LVRN: variants seen among roughly 807,000 people sequenced by gnomAD.
LVRN encodes aminopeptidase Q.
LVRN carries 99 observed loss-of-function variants against 111.4 expected under a neutral mutation model. The ratio of observed to expected loss-of-function variants is 0.89; its 90% CI spans 0.76 to 1.05. The LOEUF (loss-of-function observed/expected upper bound fraction) is 1.05. Among genes scored for constraint, LVRN ranks in the 50% least tolerant of loss-of-function variants. LVRN has a pLI of 0.00. For missense variants in LVRN, 1,414 were observed against 1,206.8 expected (o/e 1.17, Z -2.54); for synonymous variants, 488 against 449.5 (o/e 1.09, Z -1.08).
chr5:115,987,202 T>A (rs1310922415), intron 3 of LVRN, among the ~76,000 whole-genome samples: 1 of 152,126 alleles, frequency 6.6e-6, no homozygotes, highest in African/African-American at 2.4e-5. Flanking sequence ...CTTGCTAAAG[T>A]GGAAGTGTCA....
At position 116,006,167 on chromosome 5, in the gene LVRN, G is replaced by A. The variant is rs114130174; in HGVS notation, c.2093+200G>A. On this transcript the variant is annotated intron_variant, in intron 13 of 19. Coordinates refer to ENST00000357872, the MANE Select transcript of LVRN (RefSeq NM_173800.5). ...TAAAAAGACTACCAACTAAGATGTG[G>A]CAGTGATTTCTGTTTTCCAAGGGTG... Among the ~76,000 whole-genome samples, 774 of 152,206 alleles carry A rather than the reference G, an allele frequency of 5.1e-3. 11 individuals carry two copies. The highest frequency in any genetic ancestry group is 0.017 in the African/African-American group (725 of 41,532).
In LVRN at chr5:115,984,693, C is replaced by G. The variant is rs909782260; in HGVS notation, c.962C>G (p.Thr321Arg). The change falls in exon 3 of 20, where the codon ACA becomes AGA. Residue 321 changes from threonine to arginine, a missense_variant. By Grantham distance (71) the Thr-to-Arg change is moderately conservative. Coordinates refer to ENST00000357872, the MANE Select transcript of LVRN (RefSeq NM_173800.5). The part of the protein sequence containing the change: ...VICDYDHVNR[T>R]ERGKEIRIWA... Reference sequence around the variant, plus strand: ...TGTGACTATGACCACGTCAACAGAACAGAAAGGGGCAAGGAGGTGAGTGAG... The same window carrying G: ...TGTGACTATGACCACGTCAACAGAAGAGAAAGGGGCAAGGAGGTGAGTGAG... The G allele has an allele frequency of 1.2e-6, 2 of 1,613,534 alleles. No homozygotes were observed. Among genetic ancestry groups the G allele is most frequent in the Admixed American group, 1.7e-5 (1 of 59,908 alleles).
chr5:116,026,108 GA>G lies in LVRN; in HGVS notation c.2966del (p.Asn989ThrfsTer58). The G allele has an allele frequency of 3.1e-6, 5 of 1,613,780 alleles. No individual in the cohort carries two copies. The highest frequency in any genetic ancestry group is 4.2e-6 in the Non-Finnish European group (5 of 1,179,792). On this transcript the variant is annotated frameshift_variant, in exon 20 of 20. Coordinates refer to ENST00000357872, the MANE Select transcript of LVRN (RefSeq NM_173800.5). LOFTEE classifies it high-confidence loss of function. ...LSARIAAWLRRNT is the reference protein window; with the variant it reads ...LSARIAAWLRXNT ...GCCAGGATAGCTGCGTGGCTAAGGA[GA>G]AACACATAGCTTGTGGCTATCTTTC...
intron 19 of LVRN, among the ~76,000 whole-genome samples, chr5:116,024,795 T>G (rs1262386270): frequency 1.3e-5 from 2 of 152,178 alleles, no homozygotes; most frequent in African/African-American, 4.8e-5. Flanking sequence ...TTTAAAAAAA[T>G]ATATGAATTA....
At chr5:116,007,809 G>C (rs12652428) in intron 13 of LVRN, among the ~76,000 whole-genome samples, 70,034 of 152,072 alleles carry the variant, frequency 0.46, 16,774 homozygotes, top group South Asian at 0.57. Context: ...ATGTCTCTGG[G>C]TCACATTTTG....
chr5:115,965,737 C>T (rs1753189144), intron 1 of LVRN, among the ~76,000 whole-genome samples: 1 of 152,074 alleles, frequency 6.6e-6, no homozygotes, highest in Non-Finnish European at 1.5e-5. Context: ...TCTGGCATTT[C>T]CCCTGCTTGC....
Position 115,962,827 on chromosome 5 carries a change from G to C in LVRN, c.210G>C (p.Pro70=). Residue 70 remains proline (P), a synonymous_variant, in exon 1 of 20, where the codon CCG becomes CCC. Coordinates refer to ENST00000357872, the MANE Select transcript of LVRN (RefSeq NM_173800.5). ...TCAGGCAGAAGCCGACGCCAACCCC[G>C]AAACCCAGCAGTGCACGCGAGCTAG... ...PPLRQKPTPT[P]KPSSARELAV... is the part of the protein sequence containing the mutation. 6.2e-7 allele frequency: 1 copy of C among 1,612,726 alleles called. No individual in the cohort carries two copies. The highest frequency in any genetic ancestry group is 1.3e-5 in the African/African-American group (1 of 74,986).
rs113625224 is a variant in LVRN at position 116,015,315 on chromosome 5, G to A, written c.2514G>A (p.Glu838=). 2,248 of 1,612,188 alleles carry A rather than the reference G, an allele frequency of 1.4e-3. No individual in the cohort carries two copies. In the African/African-American group the frequency reaches 0.028, roughly 20 times the overall value. ...CYGIALGSDK[E]WDILLNTYTN... ...GCATTGCCTTGGGAAGTGATAAAGAGTGGGACATCTTGTTAAATACTTACA... is the reference window on the plus strand; with the variant it reads ...GCATTGCCTTGGGAAGTGATAAAGAATGGGACATCTTGTTAAATACTTACA... Residue 838 remains glutamate (E), a synonymous_variant, in exon 17 of 20, where the codon GAG becomes GAA. Coordinates refer to ENST00000357872, the MANE Select transcript of LVRN (RefSeq NM_173800.5).
intron 4 of LVRN, among the ~76,000 whole-genome samples, chr5:115,990,034 C>G (rs1022133733): frequency 1.3e-5 from 2 of 152,140 alleles, no homozygotes; most frequent in African/African-American, 4.8e-5. Flanking sequence ...CTGTGTTGTT[C>G]TCTTAGCTAA....
intron 4 of LVRN, among the ~76,000 whole-genome samples, chr5:115,991,844 T>G (rs1259638461): frequency 3.3e-5 from 5 of 152,240 alleles, no homozygotes; most frequent in Non-Finnish European, 7.3e-5. Flanking sequence ...GTCCATTTTG[T>G]AGTTGGGTTG....
chr5:116,003,579 T>G (rs972291234), intron 12 of LVRN, among the ~76,000 whole-genome samples, 199 bp downstream of exon 12: 34 of 81,538 alleles, frequency 4.2e-4, no homozygotes, highest in African/African-American at 1.7e-3. Context: ...TTTTTTTTTG[T>G]TTTTTTTGTT....
chr5:115,984,450 G>C, intron 2 of LVRN, 120 bp from the exon 3 acceptor site: 2 of 1,246,306 alleles, frequency 1.6e-6, no homozygotes, highest in South Asian at 3.0e-5. Context: ...AATCTGAACT[G>C]CTAGACTATG....
intron 5 of LVRN, among the ~76,000 whole-genome samples, chr5:115,992,845 A>G (rs777371419): frequency 6.6e-6 from 1 of 152,222 alleles, no homozygotes; most frequent in Non-Finnish European, 1.5e-5. Context: ...TAATTTGATG[A>G]AGATTTTCAT....
chr5:116,015,954 A>G (rs1000948652), intron 18 of LVRN, among the ~76,000 whole-genome samples, 189 bp downstream of exon 18: 1 of 152,222 alleles, frequency 6.6e-6, no homozygotes, highest in Admixed American at 6.5e-5. Context: ...TGGAAGAGCA[A>G]TACATGAACT....
At chr5:115,973,994 C>T (rs545788789) in intron 1 of LVRN, among the ~76,000 whole-genome samples, 12 of 152,044 alleles carry the variant, frequency 7.9e-5, no homozygotes, top group Non-Finnish European at 1.5e-4. Context: ...TAATAAGCCC[C>T]CATTCATAAC....
chr5:115,983,878 G>A (rs1747779083), intron 2 of LVRN, among the ~76,000 whole-genome samples: 1 of 152,164 alleles, frequency 6.6e-6, no homozygotes, highest in African/African-American at 2.4e-5. Flanking sequence ...TGGACCTACA[G>A]CTCTTACGTG....
Position 115,999,882 on chromosome 5 carries a change from G to A in LVRN, c.1495G>A (p.Asp499Asn). ...AACAAGTGAAATACAGGAACTCTTT[G>A]ACATATTTACTTACAGCAAGGTAAA... is the stretch of plus-strand genomic sequence containing the variant. ...FKTSEIQELFDIFTYSKGASM... is the reference protein window; with the variant it reads ...FKTSEIQELFNIFTYSKGASM... The change falls in exon 7 of 20, where the codon GAC becomes AAC. Residue 499 changes from aspartate to asparagine, a missense_variant. By Grantham distance (23) the Asp-to-Asn change is conservative. Coordinates refer to ENST00000357872, the MANE Select transcript of LVRN (RefSeq NM_173800.5). The A allele has an allele frequency of 6.2e-7, 1 of 1,611,618 alleles. No individual in the cohort carries two copies. Among genetic ancestry groups the A allele is most frequent in the South Asian group, 1.1e-5 (1 of 90,528 alleles).
chr5:116,003,675 G>A (rs182211289), intron 12 of LVRN, among the ~76,000 whole-genome samples: 2,729 of 150,884 alleles, frequency 0.018, 46 homozygotes, highest in Non-Finnish European at 0.027. Flanking sequence ...TCCGCCTCCC[G>A]GGTTCACGCC....
chr5:115,979,139 AC>A (rs1561556023), intron 1 of LVRN, among the ~76,000 whole-genome samples: 2 of 152,136 alleles, frequency 1.3e-5, no homozygotes, highest in African/African-American at 4.8e-5. Flanking sequence ...GGTAGGGGAC[AC>A]AGCTCTTGCA....
Sources: allele counts gnomAD v4.1 joint callset (sites outside exome capture counted in the v4.1 genomes callset), GRCh38; gene constraint gnomAD v4.1.1; transcripts MANE v1.5; gene names NCBI Gene and HGNC (gene_info 2026-07-23, HGNC 2026-07-21).